Variants in CACNA2D3 observed in about 807,000 individuals in gnomAD.
The protein encoded by CACNA2D3 is calcium voltage-gated channel auxiliary subunit alpha2delta 3, also known as voltage-dependent calcium channel subunit alpha-2/delta-3.
Under a neutral mutation model 160.6 loss-of-function variants are expected in CACNA2D3, and 60 were observed. The ratio of observed to expected loss-of-function variants is 0.37; its 90% CI spans 0.30 to 0.46. The LOEUF is 0.46. Ranked by LOEUF, CACNA2D3 falls within the 20% of genes least tolerant of loss-of-function variation. CACNA2D3 has a pLI of 1.00. For synonymous variants in CACNA2D3, 558 were observed against 492.9 expected, an observed-to-expected ratio of 1.13 and a Z score of -1.75; for missense variants, 1,205 against 1,365.0, an observed-to-expected ratio of 0.88 and a Z score of 1.85.
rs371835391 is a variant in CACNA2D3 at position 54,594,368 on chromosome 3, G to A, written c.963+12491G>A. 4.6e-5 allele frequency among the ~76,000 whole-genome samples: 7 copies of A among 152,286 alleles called. No individual in the cohort carries two copies. In the South Asian group the frequency reaches 8.3e-4, roughly 18 times the overall value. On this transcript the variant is annotated intron_variant, in intron 9 of 37. Coordinates refer to ENST00000474759, the MANE Select transcript of CACNA2D3 (RefSeq NM_018398.3). ...GTGGCAGGCAAAATATGGCCCTTGA[G>A]TCTTAGTTTTCCAATCCCTGGTCTA...
At chr3:54,606,370 G>A (rs546872427) in intron 9 of CACNA2D3, among the ~76,000 whole-genome samples, 27 of 152,168 alleles carry the variant, frequency 1.8e-4, no homozygotes, top group Non-Finnish European at 3.7e-4. Context: ...GGGGAAGGTA[G>A]AGGTAGGACA....
chr3:54,183,331 A>G (rs975247907), intron 2 of CACNA2D3, among the ~76,000 whole-genome samples: 8 of 151,512 alleles, frequency 5.3e-5, no homozygotes, highest in African/African-American at 1.9e-4. Context: ...TGGAGTGGTA[A>G]GCAGCTGTGG....
intron 5 of CACNA2D3, among the ~76,000 whole-genome samples, chr3:54,546,825 A>T (rs1250766925): frequency 6.6e-6 from 1 of 151,804 alleles, no homozygotes; most frequent in Non-Finnish European, 1.5e-5. Context: ...CCTAATTTGT[A>T]CTCTTTGTTT....
chr3:54,146,806 C>T (rs1030978827), intron 2 of CACNA2D3, among the ~76,000 whole-genome samples: 6 of 152,218 alleles, frequency 3.9e-5, no homozygotes, highest in African/African-American at 1.4e-4. Context: ...TTCCCGCCTG[C>T]GATTGCCACA....
chr3:55,053,248 C>G (rs1401587678), intron 35 of CACNA2D3, among the ~76,000 whole-genome samples: 1 of 151,994 alleles, frequency 6.6e-6, no homozygotes, highest in Non-Finnish European at 1.5e-5. Context: ...TAAATGGAAT[C>G]ATACAGTATG....
intron 4 of CACNA2D3, among the ~76,000 whole-genome samples, chr3:54,490,556 G>A (rs1449411241): frequency 2.6e-5 from 4 of 152,194 alleles, no homozygotes; most frequent in Non-Finnish European, 5.9e-5. Context: ...GTACAGACAA[G>A]GACAGCCATG....
At chr3:54,821,728 TC>T (rs1703607833) in intron 14 of CACNA2D3, among the ~76,000 whole-genome samples, 1 of 138,044 alleles carries the variant, frequency 7.2e-6, no homozygotes, top group African/African-American at 2.6e-5. Flanking sequence ...TCTCTCTCTC[TC>T]TCTCTCTTTC....
chr3:54,939,772 C>G (rs1435156066), intron 27 of CACNA2D3, among the ~76,000 whole-genome samples: 4 of 152,238 alleles, frequency 2.6e-5, no homozygotes, highest in Non-Finnish European at 4.4e-5. Context: ...GATCTATAGA[C>G]CAGTAGCGGG....
At chr3:54,925,114 T>G (rs756687080) in intron 27 of CACNA2D3, 6 of 1,614,120 alleles carry the variant, frequency 3.7e-6, no homozygotes, top group Non-Finnish European at 4.2e-6. Flanking sequence ...CCCTGCTGGC[T>G]GCAGTCTACA....
At chr3:54,145,431 G>A (rs1374989875) in intron 2 of CACNA2D3, among the ~76,000 whole-genome samples, 2 of 152,158 alleles carry the variant, frequency 1.3e-5, no homozygotes, top group Non-Finnish European at 2.9e-5. Context: ...AAAATGGGGA[G>A]CTCTAGACAC....
At chr3:54,774,629 A>ATTT (rs111655457) in intron 13 of CACNA2D3, among the ~76,000 whole-genome samples, 6,217 of 107,744 alleles carry the variant, frequency 0.058, 472 homozygotes, top group Non-Finnish European at 0.072. Flanking sequence ...CTCTTTGACT[A>ATTT]TTTTTTTTTT....
At position 54,569,834 on chromosome 3, in the gene CACNA2D3, T is replaced by G. The variant is rs754620838; in HGVS notation, c.716T>G (p.Phe239Cys). ...WEPDENGVIAFDCRNRKWYIQ... is the reference protein window; with the variant it reads ...WEPDENGVIACDCRNRKWYIQ... ...CCAGATGAGAATGGAGTCATTGCCT[T>G]CGACTGCAGGAACCGAAAATGGTAG... Residue 239 changes from phenylalanine (F) to cysteine (C), a missense_variant, in exon 7 of 38, where the codon TTC becomes TGC. Coordinates refer to ENST00000474759, the MANE Select transcript of CACNA2D3 (RefSeq NM_018398.3). 1 of 1,607,666 alleles carries G rather than the reference T, an allele frequency of 6.2e-7. No homozygotes were observed. The highest frequency in any genetic ancestry group is 1.1e-5 in the South Asian group (1 of 89,830).
chr3:54,955,264 C>A (rs1248661637), intron 27 of CACNA2D3, among the ~76,000 whole-genome samples: 1 of 152,070 alleles, frequency 6.6e-6, no homozygotes, highest in Non-Finnish European at 1.5e-5. Flanking sequence ...CAGAGCTGCA[C>A]AGGGACAAAG....
At chr3:54,734,745 C>T (rs1212131866) in intron 11 of CACNA2D3, among the ~76,000 whole-genome samples, 1 of 152,166 alleles carries the variant, frequency 6.6e-6, no homozygotes, top group Non-Finnish European at 1.5e-5. Context: ...TTTGGAAATG[C>T]CTGTTATTGG....
At chr3:54,521,971 A>G (rs1701652778) in intron 5 of CACNA2D3, among the ~76,000 whole-genome samples, 1 of 152,192 alleles carries the variant, frequency 6.6e-6, no homozygotes, top group African/African-American at 2.4e-5. Context: ...ATCAGCAAGT[A>G]TGAGTCCTCT....
At chr3:54,680,820 T>A (rs1700332310) in intron 11 of CACNA2D3, among the ~76,000 whole-genome samples, 1 of 152,044 alleles carries the variant, frequency 6.6e-6, no homozygotes, top group Admixed American at 6.6e-5. Flanking sequence ...GAAAATGGAG[T>A]TATAATCAAT....
intron 5 of CACNA2D3, among the ~76,000 whole-genome samples, chr3:54,508,976 A>G (rs574610466): frequency 6.6e-6 from 1 of 152,338 alleles, no homozygotes; most frequent in South Asian, 2.1e-4. Context: ...CCTGCTTAGG[A>G]GCAGAGTATG....
rs111525270 is a variant in CACNA2D3 at position 54,965,177 on chromosome 3, G to C, written c.2450-3273G>C. On this transcript the variant is annotated intron_variant, in intron 27 of 37. Transcript: ENST00000474759. ...AGTGTGCAAACCAATTAGTGTGGCT[G>C]TGCTGCAAGAAAACTTTATTTACAA... Among the ~76,000 whole-genome samples the C allele has an allele frequency of 8.7e-3, 1,332 of 152,288 alleles. 20 individuals are homozygous for C. The highest frequency in any genetic ancestry group is 0.031 in the African/African-American group (1,277 of 41,542).
chr3:54,746,613 C>A (rs1460598901), intron 11 of CACNA2D3, among the ~76,000 whole-genome samples: 1 of 152,166 alleles, frequency 6.6e-6, no homozygotes, highest in African/African-American at 2.4e-5. Context: ...GATTTGGTAG[C>A]AAATGACACT....
Sources: gnomAD v4.1 joint callset for allele counts (sites outside exome capture counted in the v4.1 genomes callset) on GRCh38, gnomAD v4.1.1 for gene constraint, MANE v1.5 for transcripts, NCBI Gene and HGNC (gene_info 2026-07-23, HGNC 2026-07-21) for gene names.